Variants in EML5 observed in about 807,000 individuals in gnomAD.
The protein encoded by EML5 is EMAP like 5, also known as echinoderm microtubule-associated protein-like 5.
EML5 carries 120 observed loss-of-function variants against 250.0 expected under a neutral mutation model. The ratio of observed to expected loss-of-function variants is 0.48; its 90% CI spans 0.41 to 0.56. The LOEUF is 0.56. EML5 is among the 20% of genes least tolerant of loss of function. The probability of loss-of-function intolerance (pLI) is 0.00; values close to 1 mark genes in which losing one functional copy is unlikely to be tolerated. For synonymous variants in EML5, 771 were observed against 806.5 expected (o/e 0.96, Z 0.75); for missense variants, 2,006 against 2,437.6 (o/e 0.82, Z 3.73).
intron 4 of EML5, 40 bp from the exon 5 acceptor site, chr14:88,740,612 T>C (rs1323508749): frequency 2.0e-6 from 3 of 1,478,524 alleles, no homozygotes; most frequent in South Asian, 1.5e-5. Flanking sequence ...CAAAGAATTC[T>C]TATAAAATAA....
intron 1 of EML5, among the ~76,000 whole-genome samples, chr14:88,757,718 A>T (rs914146649): frequency 1.3e-5 from 2 of 152,198 alleles, no homozygotes; most frequent in African/African-American, 4.8e-5. Flanking sequence ...AAGATGCTCA[A>T]CATCAATAGT....
intron 1 of EML5, among the ~76,000 whole-genome samples, chr14:88,754,963 C>A (rs113266558): frequency 6.6e-6 from 1 of 152,116 alleles, no homozygotes; most frequent in African/African-American, 2.4e-5. Flanking sequence ...CGCCACCACG[C>A]CCAGCTAATT....
At chr14:88,692,394 G>T (rs2092981049) in intron 17 of EML5, among the ~76,000 whole-genome samples, 1 of 151,984 alleles carries the variant, frequency 6.6e-6, no homozygotes, top group Non-Finnish European at 1.5e-5. Flanking sequence ...AAAAAAGGAT[G>T]GTTGCTCTGT....
At chr14:88,727,418 T>TTTTTA (rs71130007) in intron 7 of EML5, among the ~76,000 whole-genome samples, 2 of 151,196 alleles carry the variant, frequency 1.3e-5, no homozygotes, top group African/African-American at 4.9e-5. Flanking sequence ...TTTTTTTTTT[T>TTTTTA]GAGACGGAGT....
intron 8 of EML5, among the ~76,000 whole-genome samples, chr14:88,717,981 A>C (rs1470811226): frequency 6.6e-6 from 1 of 152,240 alleles, no homozygotes. Context: ...ACCTTAATTA[A>C]AATGTTCCTA....
chr14:88,657,859 AT>A (rs1260860148), intron 26 of EML5, among the ~76,000 whole-genome samples: 2 of 152,174 alleles, frequency 1.3e-5, no homozygotes, highest in African/African-American at 4.8e-5. Context: ...GGCAAAATAC[AT>A]TTTCTATAAC....
chr14:88,713,836 ATTTGTT>A (rs2093445886), intron 9 of EML5, among the ~76,000 whole-genome samples: 1 of 122,016 alleles, frequency 8.2e-6, no homozygotes, highest in Non-Finnish European at 1.7e-5. Context: ...TGCAAAGTTT[ATTTGTT>A]TTTTTTTTTT....
intron 11 of EML5, chr14:88,705,988 T>C (rs2093310606): frequency 3.8e-6 from 2 of 527,054 alleles, no homozygotes; most frequent in Non-Finnish European, 6.7e-6. Context: ...TCTCAGAGGA[T>C]ATATTAAATG....
chr14:88,732,967 T>C (rs1471216244), intron 7 of EML5, among the ~76,000 whole-genome samples: 1 of 152,200 alleles, frequency 6.6e-6, no homozygotes, highest in Non-Finnish European at 1.5e-5. Context: ...GAAGACTCAA[T>C]ACTGTTACCT....
At position 88,625,083 on chromosome 14, in the gene EML5, C is replaced by T; in HGVS notation, c.4785G>A (p.Val1595=). ...TTCTACACAATATGTGATCTTTCCA[C>T]ACACAGACATCACCACTGATGGTAC... ...FTGTISGDVC[V]WKDHILCRIV... Residue 1595 remains valine (V), a synonymous_variant, in exon 36 of 44, where the codon GTG becomes GTA. Transcript: ENST00000554922. 1.2e-6 allele frequency: 2 copies of T among 1,613,956 alleles called. No homozygotes were observed. Among genetic ancestry groups the T allele is most frequent in the Non-Finnish European group, 1.7e-6 (2 of 1,179,856 alleles).
chr14:88,640,593 T>C (rs988145667), intron 31 of EML5, among the ~76,000 whole-genome samples: 9 of 152,162 alleles, frequency 5.9e-5, no homozygotes, highest in Admixed American at 4.6e-4. Context: ...GCTAAATGCC[T>C]ATCTCAAAAT....
intron 8 of EML5, among the ~76,000 whole-genome samples, chr14:88,724,153 T>C (rs1475814646): frequency 1.3e-5 from 2 of 150,958 alleles, no homozygotes; most frequent in African/African-American, 4.9e-5. Flanking sequence ...CACGCACCTA[T>C]AGTCCCAGCT....
chr14:88,738,853 T>C (rs1394679308), intron 6 of EML5, 26 bp downstream of exon 6: 1 of 1,547,446 alleles, frequency 6.5e-7, no homozygotes, highest in Non-Finnish European at 8.7e-7. Context: ...GTTTGCCTAG[T>C]AATAAGACAT....
chr14:88,749,413 C>A (rs1188806990), intron 2 of EML5, among the ~76,000 whole-genome samples: 1 of 152,026 alleles, frequency 6.6e-6, no homozygotes, highest in African/African-American at 2.4e-5. Context: ...CATCAGTAAA[C>A]CTGCACTACA....
At chr14:88,770,389 T>C (rs1258775248) in intron 1 of EML5, among the ~76,000 whole-genome samples, 1 of 152,184 alleles carries the variant, frequency 6.6e-6, no homozygotes, top group Non-Finnish European at 1.5e-5. Flanking sequence ...AAATTTTATA[T>C]ATGGTGAGGT....
At chr14:88,625,388 A>G (rs948196120) in intron 35 of EML5, 1 of 378,306 alleles carries the variant, frequency 2.6e-6, no homozygotes, top group Non-Finnish European at 4.7e-6. Context: ...CTAACATACT[A>G]TAATTCTAGG....
intron 14 of EML5, among the ~76,000 whole-genome samples, chr14:88,698,061 A>G (rs1225428548): frequency 6.6e-6 from 1 of 152,138 alleles, no homozygotes; most frequent in Admixed American, 6.5e-5. Flanking sequence ...AAAAAGATAT[A>G]ACAAATAACA....
rs2093028547 is a variant in EML5, at chr14:88,694,349, T to C, written c.2497A>G (p.Ile833Val). 5.0e-6 allele frequency: 8 copies of C among 1,595,786 alleles called. No individual in the cohort carries two copies. Among genetic ancestry groups the C allele is most frequent in the Non-Finnish European group, 6.0e-6 (7 of 1,170,490 alleles). The change falls in exon 17 of 44, where the codon ATT becomes GTT. Residue 833 changes from isoleucine (I) to valine (V), a missense_variant. Around this residue, in one of 7 missense-constraint regions of EML5, gnomAD observed 1,375 missense variants for 1,590.3 expected, o/e 0.86. Transcript: ENST00000554922. ...TTCATGTGTTTAATTCCAGCTGTAA[T>C]TAGTTTATCAGGCACATAGGGGTTC... ...KMNPYVPDKL[I>V]TAGIKHMKFW...
intron 7 of EML5, among the ~76,000 whole-genome samples, chr14:88,734,376 G>A (rs955753595): frequency 6.6e-6 from 1 of 152,030 alleles, no homozygotes; most frequent in Non-Finnish European, 1.5e-5. Context: ...TAAAATGATA[G>A]ATTTAGGCCA....
Sources: gnomAD v4.1 joint callset for allele counts (sites outside exome capture counted in the v4.1 genomes callset) on GRCh38, gnomAD v4.1.1 for gene constraint, gnomAD v4.1.1 regional missense constraint, MANE v1.5 for transcripts, NCBI Gene and HGNC (gene_info 2026-07-23, HGNC 2026-07-21) for gene names.